Variants in SYT16 observed in about 807,000 individuals in gnomAD.
The protein encoded by SYT16 is synaptotagmin-16.
A neutral mutation model predicts 61.4 loss-of-function variants in SYT16; 42 were observed. The observed-to-expected ratio is 0.68, with a 90% CI of 0.53 to 0.89. The LOEUF is 0.89. Among genes scored for constraint, SYT16 ranks in the 40% least tolerant of loss-of-function variants. The pLI is 0.00. For missense variants in SYT16, 804 were observed against 807.3 expected, an observed-to-expected ratio of 1.00 and a Z score of 0.05; for synonymous variants, 314 against 302.3, an observed-to-expected ratio of 1.04 and a Z score of -0.40.
chr14:62,088,697 A>C (rs2056969219), intron 7 of SYT16, among the ~76,000 whole-genome samples: 1 of 152,190 alleles, frequency 6.6e-6, no homozygotes, highest in Non-Finnish European at 1.5e-5. Context: ...GAAGAGCAAC[A>C]ATGGCTACAA....
intron 1 of SYT16, among the ~76,000 whole-genome samples, chr14:61,862,308 C>G (rs1315276150): frequency 6.6e-6 from 1 of 152,184 alleles, no homozygotes; most frequent in Non-Finnish European, 1.5e-5. Context: ...AACCAGTGAT[C>G]TGCTTTCCAT....
rs59477025 is a variant in SYT16 at position 61,852,948 on chromosome 14, T to C, written c.-325+40138T>C. The stretch of plus-strand genomic sequence containing the variant: ...TGACTTTTTGTTTTGAGATGGAGTC[T>C]CACTCTGTTGCCCAGACTGGAGTGC... On this transcript the variant is annotated intron_variant, in intron 1 of 7. Transcript: ENST00000683842. 5.8e-3 allele frequency among the ~76,000 whole-genome samples: 877 copies of C among 152,302 alleles called. 5 individuals are homozygous for C. Among genetic ancestry groups the C allele is most frequent in the African/African-American group, 0.02 (832 of 41,562 alleles).
chr14:61,859,101 C>T lies in SYT16; in HGVS notation c.-325+46291C>T, dbSNP rs185629620. Among the ~76,000 whole-genome samples, 698 of 152,052 alleles carry T rather than the reference C, an allele frequency of 4.6e-3. 3 individuals are homozygous for T. The highest frequency in any genetic ancestry group is 0.016 in the African/African-American group (657 of 41,484). ...GTCTTGATCTCCTGACCTCATGATTCGCCCGCCTCGGCCTCCCAAAGTGTT... is the reference window on the plus strand; with the variant it reads ...GTCTTGATCTCCTGACCTCATGATTTGCCCGCCTCGGCCTCCCAAAGTGTT... On this transcript the variant is annotated intron_variant, in intron 1 of 7. Coordinates refer to ENST00000683842, the MANE Select transcript of SYT16 (RefSeq NM_001367656.1).
Position 61,996,267 on chromosome 14 carries a change from C to G in SYT16, c.248C>G (p.Ser83Cys). ...GATTGGAGTCAAGAGGATGCAAATT[C>G]CTTGTTTCTTGAAGTGGATCATTTC... is the stretch of plus-strand genomic sequence containing the variant. ...DNDWSQEDAN[S>C]LFLEVDHFSC... The change falls in exon 3 of 8, where the codon TCC becomes TGC. Residue 83 changes from serine (S) to cysteine (C), a missense_variant. Ser to Cys is a moderately radical substitution (Grantham distance 112). Coordinates refer to ENST00000683842, the MANE Select transcript of SYT16 (RefSeq NM_001367656.1). 1.2e-6 allele frequency: 2 copies of G among 1,613,570 alleles called. No homozygotes were observed. The highest frequency in any genetic ancestry group is 1.7e-6 in the Non-Finnish European group (2 of 1,179,636).
At chr14:61,993,190 AC>A (rs1225860864) in intron 2 of SYT16, among the ~76,000 whole-genome samples, 1 of 151,678 alleles carries the variant, frequency 6.6e-6, no homozygotes, top group Non-Finnish European at 1.5e-5. Context: ...ACATATGCTC[AC>A]TCAAAAGTGG....
intron 1 of SYT16, among the ~76,000 whole-genome samples, chr14:61,886,655 G>A (rs2047910506): frequency 6.6e-6 from 1 of 152,160 alleles, no homozygotes; most frequent in African/African-American, 2.4e-5. Flanking sequence ...TATTTCCACT[G>A]CAGTTACATC....
intron 1 of SYT16, among the ~76,000 whole-genome samples, chr14:61,820,926 G>A (rs2045601138): frequency 6.6e-6 from 1 of 152,164 alleles, no homozygotes; most frequent in Non-Finnish European, 1.5e-5. Flanking sequence ...TTCCTTCTGG[G>A]AGTAGCCTTT....
intron 1 of SYT16, among the ~76,000 whole-genome samples, chr14:61,917,805 G>C (rs2049177558): frequency 6.6e-6 from 1 of 152,092 alleles, no homozygotes; most frequent in African/African-American, 2.4e-5. Context: ...GAGTGTTTTG[G>C]CTTTTGGCTT....
chr14:61,905,001 C>T (rs576098419), intron 1 of SYT16, among the ~76,000 whole-genome samples: 6 of 152,314 alleles, frequency 3.9e-5, no homozygotes, highest in South Asian at 2.1e-4. Context: ...GTGTTGCCAT[C>T]TAATTGCTTC....
chr14:61,938,949 G>A (rs766447996), intron 1 of SYT16, among the ~76,000 whole-genome samples: 6 of 152,106 alleles, frequency 3.9e-5, no homozygotes, highest in Admixed American at 2.6e-4. Context: ...AGCCTGGCCA[G>A]CATGGTGAAA....
intron 3 of SYT16, among the ~76,000 whole-genome samples, chr14:62,016,964 T>C (rs1042149880): frequency 6.6e-6 from 1 of 152,172 alleles, no homozygotes; most frequent in African/African-American, 2.4e-5. Flanking sequence ...AGATTCATAA[T>C]AAATATTTCA....
At chr14:61,990,089 G>A (rs1222683980) in intron 2 of SYT16, among the ~76,000 whole-genome samples, 2 of 152,118 alleles carry the variant, frequency 1.3e-5, no homozygotes, top group Admixed American at 6.6e-5. Flanking sequence ...TAAGAAATTT[G>A]CTCTTAACGG....
intron 7 of SYT16, among the ~76,000 whole-genome samples, chr14:62,089,516 A>T (rs1002361097): frequency 7.5e-4 from 5 of 6,632 alleles, no homozygotes; most frequent in South Asian, 0.029. Flanking sequence ...TGATTTTTTA[A>T]AAAAAATCAT....
At chr14:62,085,153 C>G (rs1275898982) in intron 7 of SYT16, among the ~76,000 whole-genome samples, 10 of 152,168 alleles carry the variant, frequency 6.6e-5, no homozygotes, top group African/African-American at 2.2e-4. Flanking sequence ...AACAGCCTCT[C>G]ACCACCTAGG....
intron 3 of SYT16, among the ~76,000 whole-genome samples, chr14:62,012,145 A>G (rs373459327): frequency 6.6e-6 from 1 of 152,104 alleles, no homozygotes; most frequent in South Asian, 2.1e-4. Context: ...GTTTCTATGG[A>G]TTAGGAGTCC....
chr14:61,850,905 T>C lies in SYT16; in HGVS notation c.-325+38095T>C, dbSNP rs373972679. ...ATTATTATTATTTTTTCTTAAACTT[T>C]TATTTTTATTTTAAATTCAGGGGTA... On this transcript the variant is annotated intron_variant, in intron 1 of 7. Coordinates refer to ENST00000683842, the MANE Select transcript of SYT16 (RefSeq NM_001367656.1). Among the ~76,000 whole-genome samples the C allele has an allele frequency of 1.6e-4, 25 of 152,310 alleles. No individual in the cohort carries two copies. The East Asian group carries it at 4.4e-3, about 27-fold the overall frequency.
At chr14:62,084,500 A>C (rs2056821622) in intron 7 of SYT16, 115 bp downstream of exon 7, 1 of 1,200,572 alleles carries the variant, frequency 8.3e-7, no homozygotes, top group Admixed American at 3.1e-5. Flanking sequence ...ATTATGGCTT[A>C]AGCAAGCTTT....
At position 62,112,012 on chromosome 14, in the gene SYT16, G is replaced by A. The variant is rs2057617338; in HGVS notation, c.*11305G>A. On this transcript the variant is annotated 3_prime_UTR_variant, in exon 8 of 8. Transcript: ENST00000683842. Reference sequence around the variant, plus strand: ...CTATCAGTGGATAATTTGTGTATAGGAAAAGGTGTGGAAATTTTTTAATTG... The same window carrying A: ...CTATCAGTGGATAATTTGTGTATAGAAAAAGGTGTGGAAATTTTTTAATTG... 6.6e-6 allele frequency: 1 copy of A among 152,076 alleles called. No homozygotes were observed. The allele number at this position is 152,076 out of a possible 1,614,324, so 9.4% of individuals were successfully genotyped here.
In SYT16 at chr14:62,106,314, A is replaced by G. The variant is rs964275494; in HGVS notation, c.*5607A>G. 1 of 152,168 alleles carries G rather than the reference A, an allele frequency of 6.6e-6. No individual in the cohort carries two copies. The highest frequency in any genetic ancestry group is 6.5e-5 in the Admixed American group (1 of 15,280). The allele number at this position is 152,168 out of a possible 1,614,324, so 9.4% of individuals were successfully genotyped here. On this transcript the variant is annotated 3_prime_UTR_variant, in exon 8 of 8. Transcript: ENST00000683842. ...GCCATAAACAGTAGAGTTCCTTGTT[A>G]CTAGTATTGGAAGGTGAAACATTGG...
Sources: allele counts gnomAD v4.1 joint callset (sites outside exome capture counted in the v4.1 genomes callset), GRCh38; gene constraint gnomAD v4.1.1; transcripts MANE v1.5; gene names NCBI Gene and HGNC (gene_info 2026-07-23, HGNC 2026-07-21).